PCDH15: variants seen among roughly 807,000 people sequenced by gnomAD.
The protein encoded by PCDH15 is protocadherin related 15, also known as protocadherin-15.
PCDH15 carries 129 observed loss-of-function variants against 178.5 expected under a neutral mutation model. The observed-to-expected ratio is 0.72, with a 90% CI of 0.63 to 0.84. The LOEUF is 0.84. PCDH15 is among the 40% of genes least tolerant of loss of function. The probability of loss-of-function intolerance (pLI) is 0.00; values close to 1 mark genes in which losing one functional copy is unlikely to be tolerated. For missense variants in PCDH15, 2,230 were observed against 2,099.9 expected (o/e 1.06, Z -1.21); for synonymous variants, 800 against 732.0 (o/e 1.09, Z -1.50).
intron 2 of PCDH15, among the ~76,000 whole-genome samples, chr10:55,592,508 G>A (rs1842863063): frequency 6.6e-6 from 1 of 152,096 alleles, no homozygotes; most frequent in Non-Finnish European, 1.5e-5. Flanking sequence ...CTCCCCTATA[G>A]GACTAGGAAT....
rs1841012979 is a variant in PCDH15 at position 53,803,913 on chromosome 10, C to A, written c.*2666G>T. ...ACACCTTCCTAGGAAAAATAACAAC[C>A]AATTTCTTTATAAATATTTACATTG... On this transcript the variant is annotated 3_prime_UTR_variant, in exon 38 of 38. Coordinates refer to ENST00000644397, the MANE Select transcript of PCDH15 (RefSeq NM_001384140.1). The A allele has an allele frequency of 6.6e-6, 1 of 151,854 alleles. No individual in the cohort carries two copies. Among genetic ancestry groups the A allele is most frequent in the African/African-American group, 2.4e-5 (1 of 41,386 alleles). The allele number at this position is 151,854 out of a possible 1,614,324, so 9.4% of individuals were successfully genotyped here.
chr10:54,056,252 C>G (rs536100368), intron 18 of PCDH15, among the ~76,000 whole-genome samples: 1 of 152,226 alleles, frequency 6.6e-6, no homozygotes, highest in South Asian at 2.1e-4. Flanking sequence ...ATTCCAAGTT[C>G]TCTCTTCAAG....
intron 2 of PCDH15, among the ~76,000 whole-genome samples, chr10:54,972,848 CAAAAA>C (rs750356955): frequency 1.9e-5 from 1 of 53,512 alleles, no homozygotes; most frequent in Non-Finnish European, 3.3e-5. Flanking sequence ...GACTCCATCT[CAAAAA>C]AAAAAAAAAA....
chr10:55,140,772 T>A (rs916419483), intron 2 of PCDH15, among the ~76,000 whole-genome samples: 1 of 151,964 alleles, frequency 6.6e-6, no homozygotes, highest in Non-Finnish European at 1.5e-5. Flanking sequence ...ATCAATTTCT[T>A]TTAGAGTTAT....
chr10:54,935,270 G>T (rs575555450), intron 2 of PCDH15, among the ~76,000 whole-genome samples: 1 of 152,038 alleles, frequency 6.6e-6, no homozygotes, highest in East Asian at 1.9e-4. Context: ...ACACATCACA[G>T]ATGCTTATGC....
intron 1 of PCDH15, among the ~76,000 whole-genome samples, chr10:54,797,263 A>G (rs1952129892): frequency 6.6e-6 from 1 of 152,060 alleles, no homozygotes; most frequent in Admixed American, 6.6e-5. Context: ...AAGGAACACA[A>G]TAAACAAGCT....
chr10:55,436,457 T>C (rs773548343), intron 2 of PCDH15, among the ~76,000 whole-genome samples: 24 of 152,154 alleles, frequency 1.6e-4, no homozygotes, highest in Admixed American at 1.3e-4. Context: ...ATATCTTGTA[T>C]AAATACTGTT....
At chr10:54,512,295 C>T (rs1373790049) in intron 3 of PCDH15, among the ~76,000 whole-genome samples, 2 of 145,750 alleles carry the variant, frequency 1.4e-5, no homozygotes, top group Admixed American at 6.9e-5. Context: ...TTCAGGAAAC[C>T]TATCATAGCT....
chr10:55,410,179 C>T (rs1041747608), intron 2 of PCDH15, among the ~76,000 whole-genome samples: 1 of 152,028 alleles, frequency 6.6e-6, no homozygotes, highest in African/African-American at 2.4e-5. Context: ...CCAAAAATTA[C>T]ATATCACATA....
chr10:53,986,223 G>A (rs1215640719), intron 21 of PCDH15, among the ~76,000 whole-genome samples: 1 of 152,094 alleles, frequency 6.6e-6, no homozygotes, highest in Non-Finnish European at 1.5e-5. Flanking sequence ...ACATAAAAAT[G>A]TGCTCAACAT....
At chr10:54,692,924 A>C (rs985853977) in intron 1 of PCDH15, among the ~76,000 whole-genome samples, 1 of 152,110 alleles carries the variant, frequency 6.6e-6, no homozygotes, top group African/African-American at 2.4e-5. Context: ...CAACAACCAC[A>C]ACAACAAAAC....
chr10:54,163,769 C>T (rs901852925), intron 13 of PCDH15, among the ~76,000 whole-genome samples: 1 of 152,004 alleles, frequency 6.6e-6, no homozygotes, highest in Non-Finnish European at 1.5e-5. Flanking sequence ...AATAACTTGG[C>T]ATTACTCAGG....
rs2135323496 is a variant in PCDH15 at position 54,023,154 on chromosome 10, C to A, written c.2264G>T (p.Ser755Ile). The stretch of plus-strand genomic sequence containing the variant: ...AAAAAGATTATTAAAGTTACCCAAA[C>A]TGTAGTGCACTTGACCATTTATTCC... ...DAGINGQVHY[S>I]LGNFNNLFRI... The change falls in exon 19 of 38, where the codon AGT (serine) becomes ATT (isoleucine). Residue 755 changes from serine (S) to isoleucine (I), a missense_variant. Ser to Ile is a moderately radical substitution (Grantham distance 142, BLOSUM62 -2). Transcript: ENST00000644397. The A allele has an allele frequency of 6.2e-7, 1 of 1,613,800 alleles. No homozygotes were observed. Among genetic ancestry groups the A allele is most frequent in the South Asian group, 1.1e-5 (1 of 91,084 alleles).
chr10:55,307,664 C>T (rs1843466250), intron 1 of PCDH15, among the ~76,000 whole-genome samples: 1 of 151,576 alleles, frequency 6.6e-6, no homozygotes, highest in Admixed American at 6.6e-5. Context: ...ATTGTTATAT[C>T]ACAAAGAGAT....
At chr10:53,925,944 T>A (rs559232897) in intron 25 of PCDH15, among the ~76,000 whole-genome samples, 8 of 152,332 alleles carry the variant, frequency 5.3e-5, no homozygotes, top group Admixed American at 6.5e-5. Flanking sequence ...GCTATATGAT[T>A]TTTTTTCAAA....
intron 21 of PCDH15, among the ~76,000 whole-genome samples, chr10:53,977,857 A>G (rs1217827142): frequency 6.6e-6 from 1 of 152,210 alleles, no homozygotes; most frequent in Non-Finnish European, 1.5e-5. Context: ...GGCCCCATGC[A>G]TGTCTAAAAT....
At position 53,805,322 on chromosome 10, in the gene PCDH15, T is replaced by G. The variant is rs1291199947; in HGVS notation, c.*1257A>C. ...TATTCAATAGAATTCTGAATTCTCTTAATCTATATTGTTTCATTCTTTTTA... is the reference window on the plus strand; with the variant it reads ...TATTCAATAGAATTCTGAATTCTCTGAATCTATATTGTTTCATTCTTTTTA... On this transcript the variant is annotated 3_prime_UTR_variant, in exon 38 of 38. Transcript: ENST00000644397. 6.6e-6 allele frequency: 1 copy of G among 152,070 alleles called. No homozygotes were observed. Among genetic ancestry groups the G allele is most frequent in the East Asian group, 1.9e-4 (1 of 5,190 alleles). 9.4% of individuals were successfully genotyped at this position (152,070 alleles called of 1,614,324 possible).
intron 4 of PCDH15, among the ~76,000 whole-genome samples, chr10:54,372,552 T>C (rs1308247096): frequency 6.6e-6 from 1 of 151,922 alleles, no homozygotes; most frequent in Non-Finnish European, 1.5e-5. Context: ...AAGAAGGTCA[T>C]ACATAAAAGT....
chr10:53,922,818 G>A (rs1330876050), intron 25 of PCDH15, among the ~76,000 whole-genome samples: 1 of 152,150 alleles, frequency 6.6e-6, no homozygotes, highest in African/African-American at 2.4e-5. Flanking sequence ...CAGGTGTGGT[G>A]GCTCGTGCCT....
Sources: gnomAD v4.1 joint callset for allele counts (sites outside exome capture counted in the v4.1 genomes callset) on GRCh38, gnomAD v4.1.1 for gene constraint, MANE v1.5 for transcripts, NCBI Gene and HGNC (gene_info 2026-07-23, HGNC 2026-07-21) for gene names.